The following TPH2 variants were observed in gnomAD, a reference collection of about 807,000 sequenced individuals.
TPH2 encodes the protein tryptophan 5-hydroxylase 2.
In TPH2, 27 loss-of-function variants were observed where a neutral mutation model predicts 59.1. The ratio of observed to expected loss-of-function variants is 0.46; its 90% CI spans 0.34 to 0.63. The LOEUF (loss-of-function observed/expected upper bound fraction) is 0.63, where lower values mean the gene tolerates loss of function less well. Among genes scored for constraint, TPH2 ranks in the 30% least tolerant of loss-of-function variants. The pLI is 0.01. For synonymous variants in TPH2, 220 were observed against 210.5 expected (o/e 1.05, Z -0.39); for missense variants, 523 against 588.3 (o/e 0.89, Z 1.15).
intron 1 of TPH2, among the ~76,000 whole-genome samples, chr12:71,940,442 A>G (rs1871025470): frequency 6.6e-6 from 1 of 152,214 alleles, no homozygotes; most frequent in Admixed American, 6.5e-5. Context: ...TAGAGAAATC[A>G]GAAGAAGACA....
At chr12:71,939,816 C>T (rs953709767) in intron 1 of TPH2, among the ~76,000 whole-genome samples, 11 of 151,990 alleles carry the variant, frequency 7.2e-5, no homozygotes, top group Non-Finnish European at 1.5e-4. Context: ...ATAAAAACCA[C>T]GAAATAAAAA....
At chr12:72,029,602 C>G (rs1873665675) in intron 9 of TPH2, among the ~76,000 whole-genome samples, 2 of 152,116 alleles carry the variant, frequency 1.3e-5, no homozygotes, top group African/African-American at 2.4e-5. Flanking sequence ...TGTTCACTGC[C>G]CTGCATTGAA....
chr12:71,958,378 G>C (rs1169622886), intron 5 of TPH2, among the ~76,000 whole-genome samples: 1 of 152,118 alleles, frequency 6.6e-6, no homozygotes, highest in Non-Finnish European at 1.5e-5. Flanking sequence ...ACTTGACATA[G>C]GTGGTTTCAT....
intron 8 of TPH2, among the ~76,000 whole-genome samples, chr12:71,998,136 T>C (rs1468270874): frequency 6.6e-6 from 1 of 151,980 alleles, no homozygotes; most frequent in African/African-American, 2.4e-5. Context: ...TGGGATGGAG[T>C]AGGGGTGGGT....
chr12:71,972,549 T>C lies in TPH2; in HGVS notation c.639T>C (p.Thr213=), dbSNP rs779087383. 1.2e-6 allele frequency: 2 copies of C among 1,614,164 alleles called. No individual in the cohort carries two copies. The highest frequency in any genetic ancestry group is 4.5e-5 in the East Asian group (2 of 44,874). ...YGQPIPRVEY[T]EEETKTWGVV... ...AGCCCATTCCCAGGGTGGAGTATAC[T>C]GAAGAAGAAACTAAAACTTGGGGTG... is the stretch of plus-strand genomic sequence containing the variant. Residue 213 remains threonine, a synonymous_variant, in exon 6 of 11, where the codon ACT becomes ACC. Transcript: ENST00000333850.
intron 8 of TPH2, among the ~76,000 whole-genome samples, chr12:72,014,583 G>T (rs1873189412): frequency 6.6e-6 from 1 of 151,954 alleles, no homozygotes; most frequent in South Asian, 2.1e-4. Context: ...TAGAGATGGG[G>T]TTTCGCCATG....
chr12:71,993,617 A>G (rs1331467868), intron 7 of TPH2, among the ~76,000 whole-genome samples: 5 of 152,190 alleles, frequency 3.3e-5, no homozygotes, highest in Admixed American at 6.5e-5. Context: ...TTCTATTATT[A>G]CCTAGTTCAG....
intron 2 of TPH2, among the ~76,000 whole-genome samples, chr12:71,944,033 C>T (rs1871139094): frequency 6.6e-6 from 1 of 151,990 alleles, no homozygotes; most frequent in Non-Finnish European, 1.5e-5. Flanking sequence ...GTTCATTTTA[C>T]AGGGCCACTT....
rs111436090 is a variant in TPH2, at chr12:71,949,538, A to C, written c.541-50A>C. 3.4e-5 allele frequency: 50 copies of C among 1,489,602 alleles called. 2 individuals carry two copies. The highest frequency in any genetic ancestry group is 2.6e-4 in the African/African-American group (19 of 72,434). The allele number at this position is 1,489,602 out of a possible 1,614,324, so 92.3% of individuals were successfully genotyped here. On this transcript the variant is annotated intron_variant, in intron 4 of 10. Coordinates refer to ENST00000333850, the MANE Select transcript of TPH2 (RefSeq NM_173353.4). ...AGTGATTTTCTTTTAGGTCTTCTGC[A>C]GCTAATTTTCAGCACTTTGTTAAAT...
chr12:72,025,423 C>T (rs190678641), intron 9 of TPH2, among the ~76,000 whole-genome samples: 1 of 152,252 alleles, frequency 6.6e-6, no homozygotes, highest in African/African-American at 2.4e-5. Context: ...CTAAATTTTC[C>T]TGAGACATAG....
chr12:71,991,651 G>A (rs1175708085), intron 7 of TPH2, among the ~76,000 whole-genome samples: 4 of 152,032 alleles, frequency 2.6e-5, no homozygotes, highest in Non-Finnish European at 4.4e-5. Context: ...ATTGGTGCAG[G>A]CGGCATGACC....
Position 71,991,127 on chromosome 12 carries a change from G to C in TPH2, c.942-3312G>C, listed in dbSNP as rs1872571400. Among the ~76,000 whole-genome samples, 3 of 152,308 alleles carry C rather than the reference G, an allele frequency of 2.0e-5. No individual in the cohort carries two copies. The South Asian group carries it at 6.2e-4, about 32-fold the overall frequency. On this transcript the variant is annotated intron_variant, in intron 7 of 10. Transcript: ENST00000333850. Reference sequence around the variant, plus strand: ...GATAATGACGTCTTAACACTCAGGTGATAGCTCCTTTTTCTATCATGGAGA... The same window carrying C: ...GATAATGACGTCTTAACACTCAGGTCATAGCTCCTTTTTCTATCATGGAGA...
At chr12:71,992,416 C>A (rs1872601186) in intron 7 of TPH2, among the ~76,000 whole-genome samples, 1 of 148,870 alleles carries the variant, frequency 6.7e-6, no homozygotes, top group Admixed American at 6.7e-5. Context: ...GAACCCCCAC[C>A]CCCACCCCCA....
Position 72,005,855 on chromosome 12 carries a change from A to C in TPH2, c.1068+11290A>C, listed in dbSNP as rs114741327. ...TTCCTCAATCTTCAAATTTTCCTTT[A>C]GTTCTGTCCCCATTAGTGAGAGCTA... On this transcript the variant is annotated intron_variant, in intron 8 of 10. Coordinates refer to ENST00000333850, the MANE Select transcript of TPH2 (RefSeq NM_173353.4). Among the ~76,000 whole-genome samples the C allele has an allele frequency of 3.5e-3, 538 of 152,254 alleles. 2 individuals are homozygous for C. The highest frequency in any genetic ancestry group is 0.012 in the African/African-American group (510 of 41,570).
chr12:71,940,378 A>G (rs1871023566), intron 1 of TPH2, among the ~76,000 whole-genome samples: 1 of 152,012 alleles, frequency 6.6e-6, no homozygotes, highest in Non-Finnish European at 1.5e-5. Context: ...CTCCATCTCT[A>G]TTATATATAA....
intron 9 of TPH2, among the ~76,000 whole-genome samples, chr12:72,024,042 C>A (rs1873502117): frequency 6.6e-6 from 1 of 151,740 alleles, no homozygotes; most frequent in Admixed American, 6.6e-5. Flanking sequence ...AAATCCCAGC[C>A]ATCTAGGCTC....
At chr12:71,970,801 A>T (rs1871951306) in intron 5 of TPH2, among the ~76,000 whole-genome samples, 1 of 152,262 alleles carries the variant, frequency 6.6e-6, no homozygotes, top group Non-Finnish European at 1.5e-5. Context: ...TGTTATCAAC[A>T]GCCAAATTTA....
intron 7 of TPH2, among the ~76,000 whole-genome samples, chr12:71,991,673 T>C (rs1225135083): frequency 6.6e-6 from 1 of 152,102 alleles, no homozygotes; most frequent in African/African-American, 2.4e-5. Flanking sequence ...TTTAAAAAAA[T>C]TGATCGCAAG....
chr12:71,995,449 A>C (rs1046183788), intron 8 of TPH2, among the ~76,000 whole-genome samples: 5 of 152,338 alleles, frequency 3.3e-5, no homozygotes, highest in Non-Finnish European at 2.9e-5. Flanking sequence ...ACAGTGGCAT[A>C]TTTGATATGC....
Sources: gnomAD v4.1 joint callset for allele counts (sites outside exome capture counted in the v4.1 genomes callset) on GRCh38, gnomAD v4.1.1 for gene constraint, MANE v1.5 for transcripts, NCBI Gene and HGNC (gene_info 2026-07-23, HGNC 2026-07-21) for gene names.